Variants in GALNT17 observed in about 807,000 individuals in gnomAD.
GALNT17 encodes polypeptide N-acetylgalactosaminyltransferase 17, also known as UDP-GalNAc:polypeptide N-acetylgalactosaminyltransferase-like 3.
In GALNT17, 29 loss-of-function variants were observed where a neutral mutation model predicts 63.7. The observed-to-expected ratio is 0.46, with a 90% CI of 0.34 to 0.62. The LOEUF is 0.62. Ranked by LOEUF, GALNT17 falls within the 20% of genes least tolerant of loss-of-function variation. The pLI is 0.01. For missense variants in GALNT17, 603 were observed against 799.6 expected, an observed-to-expected ratio of 0.75 and a Z score of 2.97; for synonymous variants, 305 against 318.3, an observed-to-expected ratio of 0.96 and a Z score of 0.45.
At chr7:71,153,434 T>G (rs1216396638) in intron 1 of GALNT17, among the ~76,000 whole-genome samples, 1 of 152,174 alleles carries the variant, frequency 6.6e-6, no homozygotes, top group Admixed American at 6.5e-5. Flanking sequence ...CTGTAAAATC[T>G]AGACAAGATA....
chr7:71,234,569 C>G (rs1562936202), intron 1 of GALNT17, among the ~76,000 whole-genome samples: 1 of 152,002 alleles, frequency 6.6e-6, no homozygotes, highest in Non-Finnish European at 1.5e-5. Context: ...CGACCCATTG[C>G]ATTTAACCTT....
intron 1 of GALNT17, among the ~76,000 whole-genome samples, chr7:71,223,956 A>G (rs1789635563): frequency 1.3e-5 from 2 of 151,998 alleles, no homozygotes; most frequent in African/African-American, 2.4e-5. Flanking sequence ...TCTTTATCCA[A>G]TTTGTCATTG....
chr7:71,192,678 G>A (rs542688133), intron 1 of GALNT17, among the ~76,000 whole-genome samples: 4 of 152,204 alleles, frequency 2.6e-5, no homozygotes, highest in African/African-American at 9.6e-5. Context: ...TTACAGGCAT[G>A]AACCACTGCA....
At chr7:71,317,924 T>G (rs1377869885) in intron 1 of GALNT17, among the ~76,000 whole-genome samples, 1 of 152,128 alleles carries the variant, frequency 6.6e-6, no homozygotes, top group Admixed American at 6.5e-5. Context: ...ATTCATAATT[T>G]TTGGGGTGGG....
At chr7:71,256,600 A>C (rs562382684) in intron 1 of GALNT17, among the ~76,000 whole-genome samples, 2 of 151,278 alleles carry the variant, frequency 1.3e-5, no homozygotes, top group East Asian at 3.9e-4. Context: ...AACCAAAAAC[A>C]AAAAAACAAA....
chr7:71,205,781 T>C (rs1220716903), intron 1 of GALNT17, among the ~76,000 whole-genome samples: 1 of 152,160 alleles, frequency 6.6e-6, no homozygotes, highest in Non-Finnish European at 1.5e-5. Flanking sequence ...TTTCTGCATA[T>C]TATTATGATT....
At chr7:71,545,340 TC>T (rs1339722739) in intron 5 of GALNT17, among the ~76,000 whole-genome samples, 1 of 152,136 alleles carries the variant, frequency 6.6e-6, no homozygotes, top group Non-Finnish European at 1.5e-5. Context: ...TGTTGTTGTT[TC>T]GGTTTTTTGG....
At chr7:71,168,244 AG>A (rs1231739288) in intron 1 of GALNT17, among the ~76,000 whole-genome samples, 1 of 152,142 alleles carries the variant, frequency 6.6e-6, no homozygotes, top group African/African-American at 2.4e-5. Context: ...TCTTGTAATC[AG>A]GTAATGCTGG....
intron 3 of GALNT17, among the ~76,000 whole-genome samples, chr7:71,407,056 C>G (rs891098269): frequency 2.6e-5 from 4 of 152,172 alleles, no homozygotes; most frequent in African/African-American, 9.7e-5. Context: ...TCATAAATCC[C>G]TAAGCACAGA....
At chr7:71,496,520 T>TC (rs1331834332) in intron 5 of GALNT17, among the ~76,000 whole-genome samples, 1 of 152,070 alleles carries the variant, frequency 6.6e-6, no homozygotes. Flanking sequence ...ACAGACATCG[T>TC]CCAGTGACAT....
chr7:71,541,982 G>A (rs747552979), intron 5 of GALNT17, among the ~76,000 whole-genome samples: 15 of 152,210 alleles, frequency 9.9e-5, no homozygotes, highest in South Asian at 2.1e-4. Context: ...AATCAGGCCC[G>A]TTCATTCATT....
At chr7:71,684,111 A>G (rs147529905) in intron 9 of GALNT17, among the ~76,000 whole-genome samples, 2 of 151,746 alleles carry the variant, frequency 1.3e-5, no homozygotes, top group Non-Finnish European at 2.9e-5. Context: ...AAGGAGACCC[A>G]CAGACCCCCA....
At chr7:71,265,098 T>TTTTTTATATATATATATATATATA (rs144493671) in intron 1 of GALNT17, among the ~76,000 whole-genome samples, 7 of 78,366 alleles carry the variant, frequency 8.9e-5, no homozygotes, top group Admixed American at 5.6e-4. Context: ...CCCATAAATA[T>TTTTTTATATATATATATATATATA]TATATATATA....
intron 6 of GALNT17, among the ~76,000 whole-genome samples, chr7:71,635,206 C>CAAAA (rs35340202): frequency 1.6e-5 from 2 of 124,450 alleles, no homozygotes; most frequent in Non-Finnish European, 1.7e-5. Flanking sequence ...GACTCCGTCT[C>CAAAA]AAAAAAAAAA....
intron 6 of GALNT17, among the ~76,000 whole-genome samples, chr7:71,586,768 G>A (rs1480263938): frequency 6.6e-6 from 1 of 151,578 alleles, no homozygotes; most frequent in Non-Finnish European, 1.5e-5. Flanking sequence ...TATTTTGGGG[G>A]TACATGTGAT....
chr7:71,483,138 A>G (rs888876900), intron 5 of GALNT17, among the ~76,000 whole-genome samples: 1 of 152,198 alleles, frequency 6.6e-6, no homozygotes, highest in East Asian at 1.9e-4. Context: ...CTTACCATGA[A>G]TGGAGCTCAC....
chr7:71,167,965 C>T (rs112371595), intron 1 of GALNT17, among the ~76,000 whole-genome samples: 5 of 152,308 alleles, frequency 3.3e-5, no homozygotes, highest in African/African-American at 9.6e-5. Context: ...TCACCTCACC[C>T]GGCTTCCTTT....
intron 5 of GALNT17, among the ~76,000 whole-genome samples, chr7:71,429,200 G>A (rs576628646): frequency 6.8e-6 from 1 of 146,492 alleles, no homozygotes; most frequent in African/African-American, 2.4e-5. Flanking sequence ...GCATGGAACA[G>A]GGAGAAGGGG....
intron 6 of GALNT17, among the ~76,000 whole-genome samples, chr7:71,627,976 G>A (rs1375210547): frequency 1.3e-5 from 2 of 152,122 alleles, no homozygotes; most frequent in African/African-American, 4.8e-5. Flanking sequence ...ACACTTTTAT[G>A]TGTAAATCAC....
Sources: allele counts gnomAD v4.1 joint callset (sites outside exome capture counted in the v4.1 genomes callset), GRCh38; gene constraint gnomAD v4.1.1; transcripts MANE v1.5; gene names NCBI Gene and HGNC (gene_info 2026-07-23, HGNC 2026-07-21).